Variants in BTD observed in about 807,000 individuals in gnomAD.
BTD encodes the protein biotinidase, also known as biocytinase.
Under a neutral mutation model 17.7 loss-of-function variants are expected in BTD, and 13 were observed. The observed-to-expected ratio is 0.74, with a 90% confidence interval of 0.48 to 1.17. BTD has a LOEUF of 1.17. Among genes scored for constraint, BTD ranks in the 50% most tolerant of loss-of-function variants. The pLI, the probability that BTD is intolerant of heterozygous loss-of-function variation, is 0.00. For synonymous variants in BTD, 240 were observed against 245.2 expected (o/e 0.98, Z 0.20); for missense variants, 674 against 650.4 (o/e 1.04, Z -0.39).
intron 3 of BTD, among the ~76,000 whole-genome samples, chr3:15,675,599 T>C (rs1312928861): frequency 3.3e-5 from 5 of 150,942 alleles, no homozygotes; most frequent in Non-Finnish European, 7.4e-5. Context: ...TTAACTAGGA[T>C]CTTGATACAT....
intron 3 of BTD, among the ~76,000 whole-genome samples, chr3:15,709,294 GA>G (rs1007251432): frequency 3.3e-5 from 5 of 152,182 alleles, no homozygotes; most frequent in Non-Finnish European, 7.4e-5. Flanking sequence ...CCCTCACCAA[GA>G]AATGACTTGG....
exon 4 of BTD, among the ~76,000 whole-genome samples, chr3:15,710,839 A>G (rs1231777145): frequency 6.6e-6 from 1 of 152,042 alleles, no homozygotes; most frequent in Non-Finnish European, 1.5e-5. Context: ...TCCTGGGGGA[A>G]AAAAAAATTA....
rs35787947 is a variant in BTD at position 15,711,865 on chromosome 3, A to ATT, written c.*1800_*1801dup. 3.7e-3 allele frequency among the ~76,000 whole-genome samples: 553 copies of ATT among 147,648 alleles called. 2 individuals carry two copies. The highest frequency in any genetic ancestry group is 0.017 in the East Asian group (87 of 5,038). ...CCACGCCCAGCTAATTTTTTTTTGTATTTTTTTTTTAGTAGAGATGGGCTT... is the reference window on the plus strand; with the variant it reads ...CCACGCCCAGCTAATTTTTTTTTGTATTTTTTTTTTTTAGTAGAGATGGGCTT... On this transcript the variant is annotated 3_prime_UTR_variant, in exon 4 of 4. Transcript: ENST00000672141.
At chr3:15,666,243 G>C (rs1245704784) in intron 3 of BTD, among the ~76,000 whole-genome samples, 1 of 152,174 alleles carries the variant, frequency 6.6e-6, no homozygotes, top group Non-Finnish European at 1.5e-5. Flanking sequence ...AGTATTCAGT[G>C]TGTGTCTCAA....
At chr3:15,691,776 T>C (rs2068832863) in intron 3 of BTD, among the ~76,000 whole-genome samples, 1 of 152,170 alleles carries the variant, frequency 6.6e-6, no homozygotes, top group Non-Finnish European at 1.5e-5. Context: ...CAATGAAAAT[T>C]ATGCTACTGA....
In BTD at chr3:15,644,302, T is replaced by A. The variant is rs1405658718; in HGVS notation, c.400-14T>A. ...GGCAAAAACCTCATTTATTTACACC[T>A]TTTTTTCCTCTAGGTGCTCCAGCGC... On this transcript the variant is annotated splice_polypyrimidine_tract_variant and intron_variant, in intron 3 of 3. Transcript: ENST00000643237. 1.9e-6 allele frequency: 3 copies of A among 1,603,232 alleles called. No individual in the cohort carries two copies. The highest frequency in any genetic ancestry group is 2.2e-5 in the South Asian group (2 of 89,988).
chr3:15,643,206 A>C (rs1160485631), intron 3 of BTD, among the ~76,000 whole-genome samples: 1 of 152,280 alleles, frequency 6.6e-6, no homozygotes, highest in South Asian at 2.1e-4. Flanking sequence ...TGCAAGATAG[A>C]ATAATCTTTT....
At chr3:15,629,222 G>C (rs2065143470) in intron 1 of BTD, among the ~76,000 whole-genome samples, 1 of 152,162 alleles carries the variant, frequency 6.6e-6, no homozygotes, top group South Asian at 2.1e-4. Flanking sequence ...CAGAATATAG[G>C]ATATACATTC....
At chr3:15,606,436 G>C (rs1457412132) in intron 1 of BTD, 2 of 152,206 alleles carry the variant, frequency 1.3e-5, no homozygotes, top group African/African-American at 4.8e-5. Flanking sequence ...AATTTGGATT[G>C]ACAGGTTCAA....
chr3:15,665,297 C>T (rs1263719340), intron 3 of BTD, among the ~76,000 whole-genome samples: 4 of 152,186 alleles, frequency 2.6e-5, no homozygotes, highest in Admixed American at 2.6e-4. Flanking sequence ...GCTTTCCTAT[C>T]TTCTTTCAGA....
intron 1 of BTD, among the ~76,000 whole-genome samples, chr3:15,609,207 A>G (rs1421225821): frequency 6.6e-6 from 1 of 152,222 alleles, no homozygotes; most frequent in Non-Finnish European, 1.5e-5. Context: ...TTTCAGACAC[A>G]TGAATAGGAT....
downstream of BTD, among the ~76,000 whole-genome samples, chr3:15,716,618 CAT>C (rs2073089311): frequency 6.6e-6 from 1 of 151,964 alleles, no homozygotes; most frequent in Non-Finnish European, 1.5e-5. Flanking sequence ...TAAGGAAAAA[CAT>C]AGATTCCATT....
At chr3:15,643,374 G>A (rs1440718937) in intron 3 of BTD, among the ~76,000 whole-genome samples, 1 of 152,128 alleles carries the variant, frequency 6.6e-6, no homozygotes, top group African/African-American at 2.4e-5. Context: ...GGTGGTGCAT[G>A]CCTGTAGTCC....
At chr3:15,714,472 C>T, downstream of BTD, 1 of 776,580 alleles carries the variant, frequency 1.3e-6, no homozygotes, top group Non-Finnish European at 1.9e-6. Flanking sequence ...TAAAAATACA[C>T]AAAATGCGAT....
At chr3:15,673,790 T>C (rs537496633) in intron 3 of BTD, among the ~76,000 whole-genome samples, 2 of 152,014 alleles carry the variant, frequency 1.3e-5, no homozygotes, top group Non-Finnish European at 2.9e-5. Context: ...AACCCTGCTA[T>C]GGAGGGGCTG....
chr3:15,656,353 T>G (rs749872830), downstream of BTD, among the ~76,000 whole-genome samples: 3 of 152,164 alleles, frequency 2.0e-5, no homozygotes, highest in African/African-American at 4.8e-5. Context: ...CCACTGTACC[T>G]CACGTCCCCT....
At chr3:15,619,343 CAG>C (rs2064881505) in intron 1 of BTD, among the ~76,000 whole-genome samples, 2 of 151,990 alleles carry the variant, frequency 1.3e-5, no homozygotes, top group African/African-American at 2.4e-5. Flanking sequence ...TTTTTTGAGA[CAG>C]GGTATCACTC....
At chr3:15,642,119 C>A in intron 3 of BTD, 62 bp downstream of exon 3, 1 of 1,602,778 alleles carries the variant, frequency 6.2e-7, no homozygotes, top group Non-Finnish European at 8.5e-7. Context: ...AGTCAGGGAC[C>A]AGAAGCTGTG....
Position 15,635,368 on chromosome 3 carries a change from A to C in BTD, c.-16-56A>C. ...TAATAAATCACAGCTGCAAACGTTAAATTCTTGGCAGGATTCTTTATTCAG... is the reference window on the plus strand; with the variant it reads ...TAATAAATCACAGCTGCAAACGTTACATTCTTGGCAGGATTCTTTATTCAG... On this transcript the variant is annotated intron_variant, in intron 1 of 3. Coordinates refer to ENST00000643237, the MANE Select transcript of BTD (RefSeq NM_001370658.1). The surrounding 1 kb of genome is among the most constrained non-coding windows in gnomAD (Gnocchi z 4.1). 3 of 1,612,630 alleles carry C rather than the reference A, an allele frequency of 1.9e-6. No homozygotes were observed. The highest frequency in any genetic ancestry group is 1.7e-6 in the Non-Finnish European group (2 of 1,179,218).
Sources: gnomAD v4.1 joint callset for allele counts (sites outside exome capture counted in the v4.1 genomes callset) on GRCh38, gnomAD v4.1.1 for gene constraint, Gnocchi (gnomAD v3.1) non-coding constraint, MANE v1.5 for transcripts, NCBI Gene and HGNC (gene_info 2026-07-23, HGNC 2026-07-21) for gene names.